Variants in CLASP1 observed in about 807,000 individuals in gnomAD.
The protein encoded by CLASP1 is cytoplasmic linker associated protein 1.
Under a neutral mutation model 192.3 loss-of-function variants are expected in CLASP1, and 38 were observed. The ratio of observed to expected loss-of-function variants is 0.20; its 90% CI spans 0.15 to 0.26. CLASP1 has a LOEUF of 0.26. Ranked by LOEUF, CLASP1 falls within the 10% of genes least tolerant of loss-of-function variation. The probability of loss-of-function intolerance (pLI) is 1.00; values close to 1 mark genes in which losing one functional copy is unlikely to be tolerated. For missense variants in CLASP1, 1,433 were observed against 1,932.5 expected, an observed-to-expected ratio of 0.74 and a Z score of 4.85; for synonymous variants, 691 against 712.8, an observed-to-expected ratio of 0.97 and a Z score of 0.49.
intron 2 of CLASP1, among the ~76,000 whole-genome samples, chr2:121,585,737 A>C (rs2061646808): frequency 6.6e-6 from 1 of 151,950 alleles, no homozygotes; most frequent in Non-Finnish European, 1.5e-5. Flanking sequence ...ATCTCTACTA[A>C]AAATACAAAA....
intron 2 of CLASP1, among the ~76,000 whole-genome samples, chr2:121,569,734 G>A (rs539206124): frequency 1.3e-3 from 193 of 152,152 alleles, no homozygotes; most frequent in African/African-American, 4.3e-3. Flanking sequence ...CCAGCTACTC[G>A]GGAGGCTGAG....
In CLASP1 at chr2:121,398,413, G is replaced by GA. The variant is rs1178917637; in HGVS notation, c.2901-14dup. 1 of 1,538,698 alleles carries GA rather than the reference G, an allele frequency of 6.5e-7. No homozygotes were observed. The stretch of plus-strand genomic sequence containing the variant: ...TGGAAAGGAGTCCCTAGGTTGGTGG[G>GA]AAAAAAGTGCTTATTTTTAAAGAAA... On this transcript the variant is annotated splice_polypyrimidine_tract_variant and intron_variant, in intron 28 of 39. Transcript: ENST00000263710.
chr2:121,490,816 C>T lies in CLASP1; in HGVS notation c.712+12351G>A, dbSNP rs147857562. Among the ~76,000 whole-genome samples the T allele has an allele frequency of 9.9e-3, 1,502 of 152,284 alleles. 27 individuals are homozygous for T. The highest frequency in any genetic ancestry group is 0.034 in the African/African-American group (1,397 of 41,558). On this transcript the variant is annotated intron_variant, in intron 8 of 39. Transcript: ENST00000263710. ...TATTCGTGACTATGGAAACACTTTC[C>T]TAAGATACTGAACCACTATCCCAAA...
At chr2:121,412,583 C>A (rs770290518) in intron 23 of CLASP1, among the ~76,000 whole-genome samples, 2 of 149,732 alleles carry the variant, frequency 1.3e-5, no homozygotes, top group Non-Finnish European at 1.5e-5. Context: ...TTAAATAAAA[C>A]GAAGTCTAAT....
At position 121,599,342 on chromosome 2, in the gene CLASP1, C is replaced by A. The variant is rs1576359949; in HGVS notation, c.195+6359G>T. On this transcript the variant is annotated intron_variant, in intron 2 of 39. Coordinates refer to ENST00000263710, the Ensembl canonical transcript of CLASP1. ...CGGTGGCTCACAACTGTAATCCCAG[C>A]ACTTTGAGAGGCCGAGGCTGGTGGA... Among the ~76,000 whole-genome samples the A allele has an allele frequency of 2.0e-5, 3 of 149,810 alleles. 1 individual carries two copies. Among genetic ancestry groups the A allele is most frequent in the African/African-American group, 7.3e-5 (3 of 40,906 alleles).
At chr2:121,378,128 A>G (rs368702380) in intron 33 of CLASP1, among the ~76,000 whole-genome samples, 9 of 152,326 alleles carry the variant, frequency 5.9e-5, no homozygotes, top group African/African-American at 1.4e-4. Context: ...ACTCCCAGGT[A>G]TCCAATCCAG....
exon 40 of CLASP1, chr2:121,338,482 CTT>C (rs1475246170): frequency 2.6e-5 from 4 of 152,362 alleles, no homozygotes; most frequent in African/African-American, 9.7e-5. Context: ...GTGCTCTGCT[CTT>C]TTGTGTTCTG....
At chr2:121,492,327 T>G (rs2093347667) in intron 8 of CLASP1, among the ~76,000 whole-genome samples, 1 of 141,118 alleles carries the variant, frequency 7.1e-6, no homozygotes. Context: ...AGGCGGAGCT[T>G]GCAGTGAGCC....
At chr2:121,372,200 T>C (rs938027187) in intron 34 of CLASP1, among the ~76,000 whole-genome samples, 8 of 152,218 alleles carry the variant, frequency 5.3e-5, no homozygotes. Flanking sequence ...GCCCTTTCAT[T>C]TCATATGTGA....
intron 30 of CLASP1, among the ~76,000 whole-genome samples, chr2:121,395,839 C>A (rs1299876955): frequency 6.6e-6 from 1 of 152,090 alleles, no homozygotes; most frequent in Non-Finnish European, 1.5e-5. Flanking sequence ...AGGGAAGATG[C>A]CAGGGAACAG....
At chr2:121,387,767 C>T (rs1404902829) in exon 31 of CLASP1, 1 of 1,613,850 alleles carries the variant, frequency 6.2e-7, no homozygotes, top group African/African-American at 1.3e-5. Context: ...ACTCACCACA[C>T]TGGTGTTACT....
intron 24 of CLASP1, chr2:121,409,152 CT>C (rs1043942219): frequency 2.3e-6 from 2 of 885,220 alleles, no homozygotes; most frequent in African/African-American, 1.7e-5. Context: ...CAAAACATAT[CT>C]TAGCAAACCA....
chr2:121,429,166 T>C (rs2080946616), intron 20 of CLASP1, among the ~76,000 whole-genome samples: 1 of 152,158 alleles, frequency 6.6e-6, no homozygotes, highest in Admixed American at 6.5e-5. Flanking sequence ...TCAGAAGGTG[T>C]TGAACAAGGC....
chr2:121,364,702 A>G (rs757269828), intron 36 of CLASP1: 1 of 223,576 alleles, frequency 4.5e-6, no homozygotes, highest in Non-Finnish European at 9.0e-6. Context: ...GCATTTAATC[A>G]GGTCTTTTAA....
At chr2:121,602,174 C>CA (rs71398035) in intron 2 of CLASP1, among the ~76,000 whole-genome samples, 25,054 of 131,124 alleles carry the variant, frequency 0.19, 3,724 homozygotes, top group African/African-American at 0.42. Context: ...CACTCCATCT[C>CA]AAAAAAAAAA....
intron 37 of CLASP1, among the ~76,000 whole-genome samples, chr2:121,359,771 C>T (rs1158587095): frequency 6.6e-6 from 1 of 152,168 alleles, no homozygotes. Flanking sequence ...CTCAGAAACA[C>T]CAAATTTTAA....
chr2:121,448,551 G>A (rs1441136597), intron 17 of CLASP1, among the ~76,000 whole-genome samples: 1 of 152,172 alleles, frequency 6.6e-6, no homozygotes, highest in African/African-American at 2.4e-5. Context: ...ACTACAGACA[G>A]AAATTAGAAA....
chr2:121,538,896 CA>C (rs1352304137), intron 2 of CLASP1, among the ~76,000 whole-genome samples: 2 of 151,594 alleles, frequency 1.3e-5, no homozygotes, highest in Non-Finnish European at 2.9e-5. Flanking sequence ...CATAATAAGC[CA>C]AAAAGGAAAG....
In CLASP1 at chr2:121,410,830, C is replaced by A. The variant is rs112762937; in HGVS notation, c.2424+36G>T. The A allele has an allele frequency of 3.5e-5, 46 of 1,332,104 alleles. 1 individual carries two copies. In the African/African-American group the frequency reaches 4.8e-4, roughly 14 times the overall value. 82.5% of individuals were successfully genotyped at this position (1,332,104 alleles called of 1,614,324 possible). A position where few individuals can be genotyped will look rare whatever the true frequency, so the allele number is the denominator to read the frequency against. ...CAGAGAGAAATGCAGATGAGTATTTCAAAAAGACTGTGTACATACATACTG... is the reference window on the plus strand; with the variant it reads ...CAGAGAGAAATGCAGATGAGTATTTAAAAAAGACTGTGTACATACATACTG... On this transcript the variant is annotated intron_variant, in intron 24 of 39. Coordinates refer to ENST00000263710, the Ensembl canonical transcript of CLASP1.
Sources: gnomAD v4.1 joint callset for allele counts (sites outside exome capture counted in the v4.1 genomes callset) on GRCh38, gnomAD v4.1.1 for gene constraint, MANE v1.5 for transcripts, NCBI Gene and HGNC (gene_info 2026-07-23, HGNC 2026-07-21) for gene names.